Variants in GXYLT2 observed in about 807,000 individuals in gnomAD.
The protein encoded by GXYLT2 is glycosyltransferase 8 domain containing 4.
In GXYLT2, 53 loss-of-function variants were observed where a neutral mutation model predicts 45.8. The ratio of observed to expected loss-of-function variants is 1.16; its 90% CI spans 0.93 to 1.46. The LOEUF (loss-of-function observed/expected upper bound fraction) is 1.46, where lower values mean the gene tolerates loss of function less well. GXYLT2 is among the 40% of genes most tolerant of loss of function. GXYLT2 has a pLI of 0.00. For missense variants in GXYLT2, 551 were observed against 544.4 expected, an observed-to-expected ratio of 1.01 and a Z score of -0.12; for synonymous variants, 219 against 214.2, an observed-to-expected ratio of 1.02 and a Z score of -0.19.
chr3:72,974,678 G>A (rs553389503), intron 6 of GXYLT2, among the ~76,000 whole-genome samples: 1 of 152,140 alleles, frequency 6.6e-6, no homozygotes, highest in East Asian at 1.9e-4. Flanking sequence ...AAACTCCTGG[G>A]CTCAAGTGGT....
chr3:72,908,418 G>T lies in GXYLT2; in HGVS notation c.327G>T (p.Trp109Cys), dbSNP rs1320883739. The change falls in exon 2 of 7, where the codon TGG becomes TGT. Residue 109 changes from tryptophan (W) to cysteine (C), a missense_variant. Coordinates refer to ENST00000389617, the MANE Select transcript of GXYLT2 (RefSeq NM_001080393.2). ...AAGCTGTGCTGCCACCCGAGCTCTG[G>T]ATCCACCTGGCTGTGGTGGCCTGTG... is the stretch of plus-strand genomic sequence containing the variant. ...SFQAVLPPEL[W>C]IHLAVVACGN... 5 of 1,613,882 alleles carry T rather than the reference G, an allele frequency of 3.1e-6. No individual in the cohort carries two copies. The highest frequency in any genetic ancestry group is 4.2e-6 in the Non-Finnish European group (5 of 1,179,874).
At chr3:72,929,713 A>C (rs923362237) in intron 3 of GXYLT2, 3 of 600,566 alleles carry the variant, frequency 5.0e-6, no homozygotes, top group Admixed American at 2.8e-5. Context: ...ATCCAGAAAA[A>C]AGAAAATATT....
chr3:72,924,607 G>A (rs1333052998), intron 3 of GXYLT2, among the ~76,000 whole-genome samples: 3 of 152,132 alleles, frequency 2.0e-5, no homozygotes, highest in Non-Finnish European at 4.4e-5. Flanking sequence ...TTATGGCAGC[G>A]CAGACAGGGT....
rs1462802384 is a variant in GXYLT2 at position 72,920,715 on chromosome 3, C to T, written c.469-1489C>T. On this transcript the variant is annotated intron_variant, in intron 2 of 6. Transcript: ENST00000389617. Reference sequence around the variant, plus strand: ...GAAATGTAGCCCGAGGAAATGAAACCACCATCACCAGCTATAGAGTGCCCA... The same window carrying T: ...GAAATGTAGCCCGAGGAAATGAAACTACCATCACCAGCTATAGAGTGCCCA... Among the ~76,000 whole-genome samples, 4 of 151,642 alleles carry T rather than the reference C, an allele frequency of 2.6e-5. No individual in the cohort carries two copies. The East Asian group carries it at 5.8e-4, about 22-fold the overall frequency.
At chr3:72,964,419 T>G (rs1384339437) in intron 5 of GXYLT2, among the ~76,000 whole-genome samples, 1 of 152,020 alleles carries the variant, frequency 6.6e-6, no homozygotes, top group Non-Finnish European at 1.5e-5. Context: ...ACCTCCCAGG[T>G]TCAAACAATT....
intron 3 of GXYLT2, among the ~76,000 whole-genome samples, chr3:72,940,991 A>G (rs1710287425): frequency 6.6e-6 from 1 of 152,190 alleles, no homozygotes; most frequent in Admixed American, 6.5e-5. Context: ...ATTTTTAAAA[A>G]TAGTAAACCA....
At chr3:72,938,165 A>G (rs1435196679) in intron 3 of GXYLT2, among the ~76,000 whole-genome samples, 1 of 152,224 alleles carries the variant, frequency 6.6e-6, no homozygotes, top group African/African-American at 2.4e-5. Flanking sequence ...AATATTTGGT[A>G]CATACTAACA....
chr3:72,935,663 C>T (rs535111860), intron 3 of GXYLT2, among the ~76,000 whole-genome samples: 1 of 152,334 alleles, frequency 6.6e-6, no homozygotes, highest in South Asian at 2.1e-4. Flanking sequence ...ACTTCAAACT[C>T]TTCAACAGTA....
intron 6 of GXYLT2, among the ~76,000 whole-genome samples, chr3:72,972,642 GA>G (rs71126813): frequency 3.7e-4 from 31 of 84,546 alleles, no homozygotes; most frequent in South Asian, 1.3e-3. Context: ...CTCTGTCTCG[GA>G]AAAAAAAAAA....
intron 5 of GXYLT2, among the ~76,000 whole-genome samples, chr3:72,959,854 C>T (rs914812810): frequency 9.2e-5 from 14 of 152,048 alleles, no homozygotes; most frequent in African/African-American, 9.7e-5. Flanking sequence ...AGGCTGGTCT[C>T]GAACTCCTGA....
intron 6 of GXYLT2, among the ~76,000 whole-genome samples, chr3:72,972,957 C>T (rs189575440): frequency 5.3e-5 from 8 of 151,864 alleles, no homozygotes; most frequent in Middle Eastern, 3.4e-3. Flanking sequence ...AACAACTGGG[C>T]GTCATGGCAA....
intron 6 of GXYLT2, among the ~76,000 whole-genome samples, chr3:72,973,720 G>A (rs542456064): frequency 6.6e-6 from 1 of 152,096 alleles, no homozygotes; most frequent in Admixed American, 6.6e-5. Context: ...TGAGGGTTGT[G>A]GGGGGAAAGA....
At chr3:72,964,629 G>C (rs1042195393) in intron 5 of GXYLT2, among the ~76,000 whole-genome samples, 1 of 152,162 alleles carries the variant, frequency 6.6e-6, no homozygotes, top group Non-Finnish European at 1.5e-5. Context: ...CCGAGAAAAG[G>C]TTTCTTTTTG....
At chr3:72,903,967 G>C (rs960989602) in intron 1 of GXYLT2, among the ~76,000 whole-genome samples, 2 of 152,176 alleles carry the variant, frequency 1.3e-5, no homozygotes, top group African/African-American at 4.8e-5. Flanking sequence ...TATCACCAGA[G>C]ATCTGCCCTG....
chr3:72,892,514 A>G (rs913991213), intron 1 of GXYLT2, among the ~76,000 whole-genome samples: 5 of 152,152 alleles, frequency 3.3e-5, no homozygotes, highest in African/African-American at 1.2e-4. Context: ...TACAATGGTG[A>G]ATGGAGTTGC....
Position 72,912,014 on chromosome 3 carries a change from T to TATA in GXYLT2, c.468+3455_468+3456insATA, listed in dbSNP as rs527420103. 2.3e-3 allele frequency among the ~76,000 whole-genome samples: 219 copies of TATA among 93,930 alleles called. 1 individual carries two copies. The highest frequency in any genetic ancestry group is 6.9e-3 in the South Asian group (22 of 3,170). The allele number at this position is 93,930 out of a possible 152,430, so 61.6% of individuals were successfully genotyped here. The stretch of plus-strand genomic sequence containing the variant: ...GTGTGTATATATATATATATATATA[T>TATA]TTTTTTTTTTTTTTGAGACAGCGTC... On this transcript the variant is annotated intron_variant, in intron 2 of 6. Transcript: ENST00000389617.
intron 1 of GXYLT2, among the ~76,000 whole-genome samples, chr3:72,904,466 C>T (rs1709466309): frequency 6.6e-6 from 1 of 152,172 alleles, no homozygotes; most frequent in Admixed American, 6.5e-5. Context: ...ACCACTGATA[C>T]TTGAACTGGC....
intron 3 of GXYLT2, among the ~76,000 whole-genome samples, chr3:72,924,169 A>G (rs1261722315): frequency 1.3e-5 from 2 of 151,652 alleles, no homozygotes; most frequent in African/African-American, 4.8e-5. Context: ...TCAGCAAGCC[A>G]TCTAGAAGTG....
intron 5 of GXYLT2, among the ~76,000 whole-genome samples, chr3:72,964,697 G>T (rs577662076): frequency 6.6e-6 from 1 of 152,300 alleles, no homozygotes; most frequent in South Asian, 2.1e-4. Context: ...TAAACTCCAT[G>T]AAAGCAGGGA....
Sources: allele counts gnomAD v4.1 joint callset (sites outside exome capture counted in the v4.1 genomes callset), GRCh38; gene constraint gnomAD v4.1.1; transcripts MANE v1.5; gene names NCBI Gene and HGNC (gene_info 2026-07-23, HGNC 2026-07-21).